Variants in ARHGEF40 observed in about 807,000 individuals in gnomAD.
ARHGEF40 encodes the protein Rho guanine nucleotide exchange factor (GEF) 40.
Under a neutral mutation model 165.9 loss-of-function variants are expected in ARHGEF40, and 98 were observed. The observed-to-expected ratio is 0.59, with a 90% CI of 0.50 to 0.70. The LOEUF (loss-of-function observed/expected upper bound fraction) is 0.70. Among genes scored for constraint, ARHGEF40 ranks in the 30% least tolerant of loss-of-function variants. The probability of loss-of-function intolerance (pLI) is 0.00; values close to 1 mark genes in which losing one functional copy is unlikely to be tolerated. For missense variants in ARHGEF40, 1,815 were observed against 1,968.0 expected (o/e 0.92, Z 1.47); for synonymous variants, 792 against 814.3 (o/e 0.97, Z 0.47).
In ARHGEF40 at chr14:21,070,582, C is replaced by T. The variant is rs1473935769; in HGVS notation, c.3+183C>T. ...TCTGCCCGACTGTTTAGCTCTGTCCCCACCGGGTATTGCCCTCACCCTTTC... is the reference window on the plus strand; with the variant it reads ...TCTGCCCGACTGTTTAGCTCTGTCCTCACCGGGTATTGCCCTCACCCTTTC... On this transcript the variant is annotated intron_variant, in intron 1 of 23. Coordinates refer to ENST00000298694, the MANE Select transcript of ARHGEF40 (RefSeq NM_018071.5). This position sits in a 1 kb window ranked among gnomAD's most constrained non-coding sequence, Gnocchi z 4.7. Among the ~76,000 whole-genome samples, 1 of 152,118 alleles carries T rather than the reference C, an allele frequency of 6.6e-6. No individual in the cohort carries two copies. The highest frequency in any genetic ancestry group is 1.5e-5 in the Non-Finnish European group (1 of 68,000).
intron 22 of ARHGEF40, among the ~76,000 whole-genome samples, 200 bp from the exon 23 acceptor site, chr14:21,088,630 G>A (rs1247688615): frequency 6.6e-6 from 1 of 152,172 alleles, no homozygotes; most frequent in Non-Finnish European, 1.5e-5. Flanking sequence ...AGACTTCAGT[G>A]AGCCATGTTT....
chr14:21,081,673 G>A lies in ARHGEF40; in HGVS notation c.2805G>A (p.Leu935=), dbSNP rs2139247084. 2 of 1,597,434 alleles carry A rather than the reference G, an allele frequency of 1.3e-6. No homozygotes were observed. The highest frequency in any genetic ancestry group is 1.7e-6 in the Non-Finnish European group (2 of 1,172,522). The change falls in exon 14 of 24, where the codon CTG becomes CTA. Residue 935 remains leucine, a synonymous_variant. Transcript: ENST00000298694. The part of the protein sequence containing the change: ...LALDLGSPAA[L]REWGRCQARC... The stretch of plus-strand genomic sequence containing the variant: ...TGGACCTGGGCAGCCCAGCAGCCCT[G>A]CGAGAATGGGGCCGCTGCCAGGCCC...
rs1334625054 is a variant in ARHGEF40 at position 21,078,468 on chromosome 14, G to A, written c.2226G>A (p.Leu742=). Residue 742 remains leucine, a synonymous_variant, in exon 10 of 24, where the codon CTG becomes CTA. Coordinates refer to ENST00000298694, the MANE Select transcript of ARHGEF40 (RefSeq NM_018071.5). ...QRDGGAILMR[L]RSTPSSKLEG... ...ATGGGGGGGCCATCCTGATGAGGCT[G>A]CGCTCCACTCCCAGCAGCAAGTACG... 4 of 1,599,372 alleles carry A rather than the reference G, an allele frequency of 2.5e-6. No homozygotes were observed. The highest frequency in any genetic ancestry group is 3.4e-6 in the Non-Finnish European group (4 of 1,171,562).
upstream of ARHGEF40, among the ~76,000 whole-genome samples, chr14:21,065,279 C>T (rs1035416380): frequency 8.5e-5 from 13 of 152,078 alleles, no homozygotes; most frequent in African/African-American, 2.2e-4. Context: ...CTCATGAGGA[C>T]TGATTCCAGG....
chr14:21,080,963 C>T lies in ARHGEF40; in HGVS notation c.2587C>T (p.Gln863Ter). The part of the protein sequence containing the change: ...VLDIFEQRLE[Q>*]VESGLHRALR... ...GGATATCTTTGAACAGCGGCTGGAG[C>T]AGGTTGAGAGTGGCCTCCATCGGGC... Residue 863 changes from glutamine (Q) to a stop codon, truncating the protein, a stop_gained, in exon 13 of 24, where the codon CAG (glutamine) becomes TAG (stop). Coordinates refer to ENST00000298694, the MANE Select transcript of ARHGEF40 (RefSeq NM_018071.5). LOFTEE classifies it high-confidence loss of function. 4 of 1,614,216 alleles carry T rather than the reference C, an allele frequency of 2.5e-6. No individual in the cohort carries two copies. The highest frequency in any genetic ancestry group is 3.4e-6 in the Non-Finnish European group (4 of 1,180,038).
chr14:21,073,247 G>C lies in ARHGEF40; in HGVS notation c.201+5G>C. 6.3e-7 allele frequency: 1 copy of C among 1,598,364 alleles called. No individual in the cohort carries two copies. The highest frequency in any genetic ancestry group is 8.5e-7 in the Non-Finnish European group (1 of 1,172,838). On this transcript the variant is annotated splice_donor_5th_base_variant and intron_variant, in intron 2 of 23. Transcript: ENST00000298694. This position sits in a 1 kb window ranked among gnomAD's most constrained non-coding sequence, Gnocchi z 4.6. ...AAGGTCCAGCAGGAAGCCTGTGTGA[G>C]TGGCCGTGCATCACTATTCTGCCTT...
Position 21,078,292 on chromosome 14 carries a change from A to G in ARHGEF40, c.2130+20A>G, listed in dbSNP as rs372118361. On this transcript the variant is annotated intron_variant, in intron 9 of 23. Transcript: ENST00000298694. ...GAAGAGGTATGAAATGAGATGGGAC[A>G]GTGGGGGGATGGGATTGGGATGGGG... 22 of 1,610,786 alleles carry G rather than the reference A, an allele frequency of 1.4e-5. No homozygotes were observed. Among genetic ancestry groups the G allele is most frequent in the East Asian group, 1.1e-4 (5 of 44,848 alleles).
Position 21,072,244 on chromosome 14 carries a change from T to C in ARHGEF40, c.4-801T>C, listed in dbSNP as rs189575760. On this transcript the variant is annotated intron_variant, in intron 1 of 23. Transcript: ENST00000298694. The surrounding 1 kb of genome is among the most constrained non-coding windows in gnomAD (Gnocchi z 4.1). ...GTCTTTTTGAGACTCCTAGTGGAGG[T>C]TGGCAGAGAGAGGTCCCACTGGAAT... Among the ~76,000 whole-genome samples, 26 of 152,152 alleles carry C rather than the reference T, an allele frequency of 1.7e-4. No individual in the cohort carries two copies. The highest frequency in any genetic ancestry group is 3.2e-4 in the Non-Finnish European group (22 of 67,990).
At position 21,080,797 on chromosome 14, in the gene ARHGEF40, G is replaced by A; in HGVS notation, c.2496+15G>A. 1 of 1,603,874 alleles carries A rather than the reference G, an allele frequency of 6.2e-7. No homozygotes were observed. The highest frequency in any genetic ancestry group is 8.5e-7 in the Non-Finnish European group (1 of 1,173,470). ...CTGAGGTCCAGGTGAGAAGGGGCTG[G>A]AGGGCAGGTGAGAGGAGGCAGGGGG... On this transcript the variant is annotated intron_variant, in intron 12 of 23. Coordinates refer to ENST00000298694, the MANE Select transcript of ARHGEF40 (RefSeq NM_018071.5).
At chr14:21,087,810 C>T (rs1241605684) in intron 21 of ARHGEF40, 158 bp from the exon 22 acceptor site, 2 of 964,186 alleles carry the variant, frequency 2.1e-6, no homozygotes, top group African/African-American at 1.6e-5. Flanking sequence ...TGACAATTTC[C>T]TGCCTCTTGG....
Position 21,082,315 on chromosome 14 carries a change from T to C in ARHGEF40, c.3323T>C (p.Val1108Ala). Reference sequence around the variant, plus strand: ...TACGTGGCCACCTTGAGTGAGCCAGTGCCACCCCCTGGGCCTGAGCTGACG... The same window carrying C: ...TACGTGGCCACCTTGAGTGAGCCAGCGCCACCCCCTGGGCCTGAGCTGACG... The part of the protein sequence containing the change: ...QDYVATLSEP[V>A]PPPGPELTPE... Residue 1108 changes from valine (V) to alanine (A), a missense_variant, in exon 15 of 24, where the codon GTG becomes GCG. Transcript: ENST00000298694. 3 of 1,613,106 alleles carry C rather than the reference T, an allele frequency of 1.9e-6. No individual in the cohort carries two copies. Among genetic ancestry groups the C allele is most frequent in the Non-Finnish European group, 2.5e-6 (3 of 1,179,798 alleles).
the ARHGEF40 span, among the ~76,000 whole-genome samples, chr14:21,064,850 C>T: frequency 9.5e-4 from 144 of 152,332 alleles, no homozygotes; most frequent in Non-Finnish European, 1.8e-3. Flanking sequence ...TACATCTGAG[C>T]CAGATGATGG....
intron 8 of ARHGEF40, 139 bp downstream of exon 8, chr14:21,077,029 T>C: frequency 1.6e-6 from 1 of 638,790 alleles, no homozygotes; most frequent in Non-Finnish European, 2.8e-6. Context: ...TCAACAAGTA[T>C]TTATGGCTCC....
rs780896988 is a variant in ARHGEF40 at position 21,075,772 on chromosome 14, G to A, written c.1739+7G>A. On this transcript the variant is annotated splice_region_variant and intron_variant, in intron 5 of 23. Transcript: ENST00000298694. This position sits in a 1 kb window ranked among gnomAD's most constrained non-coding sequence, Gnocchi z 4.5. ...ACCTCCACTCACTGCTCAGGTAACCGAGGCCCAGTCCTGGCACCCTGGACA... is the reference window on the plus strand; with the variant it reads ...ACCTCCACTCACTGCTCAGGTAACCAAGGCCCAGTCCTGGCACCCTGGACA... 6 of 1,611,238 alleles carry A rather than the reference G, an allele frequency of 3.7e-6. No homozygotes were observed. Among genetic ancestry groups the A allele is most frequent in the Middle Eastern group, 1.8e-4 (1 of 5,598 alleles).
At chr14:21,078,821 G>A (rs947764897) in intron 10 of ARHGEF40, 63 bp from the exon 11 acceptor site, 50 of 1,581,840 alleles carry the variant, frequency 3.2e-5, no homozygotes, top group Middle Eastern at 1.7e-4. Context: ...TCAGAGGCAC[G>A]GAAGGACAGA....
intron 11 of ARHGEF40, among the ~76,000 whole-genome samples, chr14:21,079,416 C>T (rs751340620): frequency 3.9e-5 from 6 of 152,152 alleles, no homozygotes; most frequent in Non-Finnish European, 8.8e-5. Context: ...ATCCCTCAGA[C>T]CTGAGGCCGG....
At position 21,082,449 on chromosome 14, in the gene ARHGEF40, C is replaced by T; in HGVS notation, c.3457C>T (p.Leu1153=). The change falls in exon 15 of 24, where the codon CTA becomes TTA. Residue 1153 remains leucine, a synonymous_variant. Transcript: ENST00000298694. ...GCTTCAGGGCTGCGCCACCCACCCCCTACGCATTGGGGCCTGCTTCCTTCG... is the reference window on the plus strand; with the variant it reads ...GCTTCAGGGCTGCGCCACCCACCCCTTACGCATTGGGGCCTGCTTCCTTCG... ...RELQGCATHP[L]RIGACFLRHG... The T allele has an allele frequency of 6.2e-7, 1 of 1,601,078 alleles. No homozygotes were observed. Among genetic ancestry groups the T allele is most frequent in the Non-Finnish European group, 8.5e-7 (1 of 1,172,022 alleles).
At position 21,074,792 on chromosome 14, in the gene ARHGEF40, G is replaced by C. The variant is rs140691233; in HGVS notation, c.1062G>C (p.Glu354Asp). Reference protein sequence around the residue: ...ASGSCPLRPGELRGGGGGGQG... With the variant: ...ASGSCPLRPGDLRGGGGGGQG... ...GATCTTGCCCCCTGAGGCCAGGGGAGCTTAGAGGAGGAGGAGGAGGAGGCC... is the reference window on the plus strand; with the variant it reads ...GATCTTGCCCCCTGAGGCCAGGGGACCTTAGAGGAGGAGGAGGAGGAGGCC... Residue 354 changes from glutamate (E) to aspartate (D), a missense_variant, in exon 3 of 24, where the codon GAG becomes GAC. Coordinates refer to ENST00000298694, the MANE Select transcript of ARHGEF40 (RefSeq NM_018071.5). The surrounding 1 kb of genome is among the most constrained non-coding windows in gnomAD (Gnocchi z 4.8). 1.2e-6 allele frequency: 2 copies of C among 1,608,102 alleles called. No individual in the cohort carries two copies. The highest frequency in any genetic ancestry group is 2.7e-5 in the African/African-American group (2 of 74,732).
chr14:21,061,304 G>T, the ARHGEF40 span, among the ~76,000 whole-genome samples: 5 of 152,350 alleles, frequency 3.3e-5, no homozygotes, highest in South Asian at 1.0e-3. Context: ...AAGCTGGGAA[G>T]AGTGTGAAAA....
Sources: allele counts gnomAD v4.1 joint callset (sites outside exome capture counted in the v4.1 genomes callset), GRCh38; gene constraint gnomAD v4.1.1; non-coding constraint Gnocchi (gnomAD v3.1); transcripts MANE v1.5; gene names NCBI Gene and HGNC (gene_info 2026-07-23, HGNC 2026-07-21).